Variants in LONP1 observed in about 807,000 individuals in gnomAD.
LONP1 encodes the protein lon peptidase 1, mitochondrial, also known as lon protease homolog, mitochondrial.
Under a neutral mutation model 98.5 loss-of-function variants are expected in LONP1, and 31 were observed. The observed-to-expected ratio is 0.31, with a 90% CI of 0.24 to 0.42. The LOEUF (loss-of-function observed/expected upper bound fraction) is 0.42, where lower values mean the gene tolerates loss of function less well. Among genes scored for constraint, LONP1 ranks in the 20% least tolerant of loss-of-function variants. The probability of loss-of-function intolerance (pLI) is 1.00; values close to 1 mark genes in which losing one functional copy is unlikely to be tolerated. For missense variants in LONP1, 1,336 were observed against 1,350.6 expected (o/e 0.99, Z 0.17); for synonymous variants, 781 against 594.7 (o/e 1.31, Z -4.56).
intron 8 of LONP1, among the ~76,000 whole-genome samples, chr19:5,702,530 C>A (rs1206602873): frequency 6.7e-6 from 1 of 149,238 alleles, no homozygotes; most frequent in Non-Finnish European, 1.5e-5. Flanking sequence ...GGAGGTGTAC[C>A]CAACAGCTCA....
At chr19:5,715,662 AAAAAAAAAAAAAAAAAAG>A (rs2055306633) in intron 1 of LONP1, among the ~76,000 whole-genome samples, 3 of 139,054 alleles carry the variant, frequency 2.2e-5, no homozygotes, top group Non-Finnish European at 3.2e-5. Flanking sequence ...AAAAAAAAAA[AAAAAAAAAAAAAAAAAAG>A]AAAGTTTCAC....
Position 5,691,846 on chromosome 19 carries a change from C to T in LONP1, c.*186G>A. 1.2e-6 allele frequency: 1 copy of T among 814,134 alleles called. No individual in the cohort carries two copies. Among genetic ancestry groups the T allele is most frequent in the Non-Finnish European group, 1.9e-6 (1 of 524,848 alleles). The allele number at this position is 814,134 out of a possible 1,614,324, so 50.4% of individuals were successfully genotyped here. On this transcript the variant is annotated 3_prime_UTR_variant, in exon 18 of 18. Transcript: ENST00000360614. ...GAGGAAGCCGCCGTACTGCAAATGA[C>T]TTTAATCATTAAATAGCTTCTATGC...
At chr19:5,696,618 C>A in intron 11 of LONP1, 52 bp downstream of exon 11, 2 of 1,503,564 alleles carry the variant, frequency 1.3e-6, no homozygotes, top group Non-Finnish European at 1.8e-6. Flanking sequence ...TCGGCTTCAT[C>A]TTGCACACGG....
intron 8 of LONP1, among the ~76,000 whole-genome samples, chr19:5,701,981 C>T (rs1291508841): frequency 6.7e-6 from 1 of 149,598 alleles, no homozygotes; most frequent in African/African-American, 2.5e-5. Flanking sequence ...TGCCCGGCAG[C>T]CCTGAGAAGT....
chr19:5,694,444 G>C lies in LONP1; in HGVS notation c.2263C>G (p.Arg755Gly), dbSNP rs200716943. 7.4e-6 allele frequency: 12 copies of C among 1,613,322 alleles called. No homozygotes were observed. The highest frequency in any genetic ancestry group is 1.0e-5 in the Non-Finnish European group (12 of 1,180,028). The change falls in exon 15 of 18, where the codon CGC becomes GGC. Residue 755 changes from arginine to glycine, a missense_variant. By Grantham distance (125) the Arg-to-Gly change is moderately radical (BLOSUM62 -2). This residue lies in a region of LONP1 where 555 missense variants were observed against 542.6 expected (regional missense o/e 1.02). Coordinates refer to ENST00000360614, the MANE Select transcript of LONP1 (RefSeq NM_004793.4). ...CCGGGCGGTGTCACGTCATACATGC[G>C]CTCCACGGTGAACACGGGCTTCCCC... is the stretch of plus-strand genomic sequence containing the variant. ...FVGKPVFTVERMYDVTPPGVV... is the reference protein window; with the variant it reads ...FVGKPVFTVEGMYDVTPPGVV...
At chr19:5,700,649 C>G in intron 9 of LONP1, 140 bp downstream of exon 9, 1 of 1,199,350 alleles carries the variant, frequency 8.3e-7, no homozygotes, top group Non-Finnish European at 1.2e-6. Flanking sequence ...ATGCTACCTC[C>G]GCCGGGATCC....
Position 5,695,545 on chromosome 19 carries a change from G to A in LONP1, c.2013+509C>T, listed in dbSNP as rs567503674. On this transcript the variant is annotated intron_variant, in intron 13 of 17. Transcript: ENST00000360614. ...CCAGGGGACACGAGGATGCTGGGAG[G>A]GCCTCAAGGGCAGGGACCAGTGCCC... is the stretch of plus-strand genomic sequence containing the variant. 4.6e-5 allele frequency among the ~76,000 whole-genome samples: 7 copies of A among 152,306 alleles called. No individual in the cohort carries two copies. In the East Asian group the frequency reaches 5.8e-4, roughly 13 times the overall value.
At position 5,696,667 on chromosome 19, in the gene LONP1, C is replaced by A; in HGVS notation, c.1773+3G>T. The A allele has an allele frequency of 6.3e-7, 1 of 1,597,836 alleles. No homozygotes were observed. Among genetic ancestry groups the A allele is most frequent in the Non-Finnish European group, 8.6e-7 (1 of 1,168,140 alleles). ...GGGGGTCTCCGGGCCTCTCCGCACG[C>A]ACCTCGTCGATGAGGATCAGGGGGT... On this transcript the variant is annotated splice_donor_region_variant and intron_variant, in intron 11 of 17. Coordinates refer to ENST00000360614, the MANE Select transcript of LONP1 (RefSeq NM_004793.4).
At chr19:5,702,790 G>A (rs1055176160) in intron 8 of LONP1, among the ~76,000 whole-genome samples, 83 of 151,334 alleles carry the variant, frequency 5.5e-4, no homozygotes, top group Non-Finnish European at 1.1e-3. Flanking sequence ...GGTGCAAGAT[G>A]TGCTTTGTTA....
chr19:5,716,945 C>A (rs186851233), intron 1 of LONP1, among the ~76,000 whole-genome samples: 42 of 152,226 alleles, frequency 2.8e-4, no homozygotes, highest in Admixed American at 4.6e-4. Flanking sequence ...GGGCGCCCAC[C>A]ACCACTCCAG....
intron 9 of LONP1, among the ~76,000 whole-genome samples, chr19:5,699,906 C>T (rs2055010829): frequency 6.6e-6 from 1 of 151,880 alleles, no homozygotes; most frequent in Non-Finnish European, 1.5e-5. Flanking sequence ...TGCCTGGTTT[C>T]CAATGTCTCA....
chr19:5,710,747 C>T (rs554269288), intron 4 of LONP1, among the ~76,000 whole-genome samples: 77 of 152,192 alleles, frequency 5.1e-4, no homozygotes, highest in Non-Finnish European at 9.6e-4. Flanking sequence ...CACAGGTGGC[C>T]GGGCACAGTG....
chr19:5,697,449 C>CA (rs1315383302), intron 10 of LONP1, among the ~76,000 whole-genome samples: 1 of 149,494 alleles, frequency 6.7e-6, no homozygotes, highest in Admixed American at 6.7e-5. Flanking sequence ...GAAACAGGAC[C>CA]ACGCCTGGTG....
Position 5,696,330 on chromosome 19 carries a change from C to G in LONP1, c.1815G>C (p.Ser605=). 6.2e-7 allele frequency: 1 copy of G among 1,613,320 alleles called. No homozygotes were observed. Among genetic ancestry groups the G allele is most frequent in the Non-Finnish European group, 8.5e-7 (1 of 1,179,898 alleles). The change falls in exon 12 of 18, where the codon TCG becomes TCC. Residue 605 remains serine (S), a synonymous_variant. Transcript: ENST00000360614. ...IGRGYQGDPS[S]ALLELLDPEQ... ...CTGGGTCCAGCAGCTCCAGCAGTGC[C>G]GACGACGGGTCCCCCTGGTAGCCTC...
In LONP1 at chr19:5,693,320, C is replaced by A. The variant is rs1479473013; in HGVS notation, c.2681G>T (p.Gly894Val). ...CACCGCAATGGTCTTCTCCTTGATGCCACCAACAGGCAGGATCTTGCCCGT... is the reference window on the plus strand; with the variant it reads ...CACCGCAATGGTCTTCTCCTTGATGACACCAACAGGCAGGATCTTGCCCGT... ...SLTGKILPVG[G>V]IKEKTIAAKR... Residue 894 changes from glycine to valine, a missense_variant, in exon 17 of 18, where the codon GGC (glycine) becomes GTC (valine). Gly to Val is a moderately radical substitution (Grantham distance 109). Coordinates refer to ENST00000360614, the MANE Select transcript of LONP1 (RefSeq NM_004793.4). The A allele has an allele frequency of 6.2e-7, 1 of 1,612,494 alleles. No homozygotes were observed. Among genetic ancestry groups the A allele is most frequent in the East Asian group, 2.2e-5 (1 of 44,804 alleles).
chr19:5,697,544 G>A (rs2054959788), intron 10 of LONP1, among the ~76,000 whole-genome samples: 1 of 136,938 alleles, frequency 7.3e-6, no homozygotes, highest in Non-Finnish European at 1.6e-5. Context: ...GGAAGAGGGA[G>A]GAGATGGAGA....
At chr19:5,698,963 G>C in intron 10 of LONP1, 64 bp downstream of exon 10, 1 of 1,495,322 alleles carries the variant, frequency 6.7e-7, no homozygotes, top group African/African-American at 1.4e-5. Context: ...GGTGACCGGA[G>C]AAGACGAAGC....
rs1272253571 is a variant in LONP1, at chr19:5,696,144, G to A, written c.1923C>T (p.Val641=). ...GCAGCGGCTCGGGGATGGTGTCCGT[G>A]ACGTTGGCCGTGCAGATGAACAGCA... ...SKVLFICTAN[V]TDTIPEPLRD... Residue 641 remains valine (V), a synonymous_variant, in exon 13 of 18, where the codon GTC becomes GTT. Transcript: ENST00000360614. 2 of 1,612,822 alleles carry A rather than the reference G, an allele frequency of 1.2e-6. No homozygotes were observed. Among genetic ancestry groups the A allele is most frequent in the South Asian group, 1.1e-5 (1 of 91,086 alleles).
At chr19:5,707,436 G>A (rs2055164610) in intron 6 of LONP1, among the ~76,000 whole-genome samples, 1 of 152,210 alleles carries the variant, frequency 6.6e-6, no homozygotes, top group Non-Finnish European at 1.5e-5. Flanking sequence ...GGATCCCACT[G>A]AACCCGCAAC....
Sources: gnomAD v4.1 joint callset for allele counts (sites outside exome capture counted in the v4.1 genomes callset) on GRCh38, gnomAD v4.1.1 for gene constraint, gnomAD v4.1.1 regional missense constraint, MANE v1.5 for transcripts, NCBI Gene and HGNC (gene_info 2026-07-23, HGNC 2026-07-21) for gene names.